Variants in XPR1 observed in about 807,000 individuals in gnomAD.
XPR1 encodes the protein xenotropic and polytropic retrovirus receptor 1, also known as solute carrier family 53 member 1.
A neutral mutation model predicts 87.5 loss-of-function variants in XPR1; 28 were observed. That is an observed-to-expected ratio of 0.32 (90% CI 0.24 to 0.44). The LOEUF is 0.44. Ranked by LOEUF, XPR1 falls within the 20% of genes least tolerant of loss-of-function variation. XPR1 has a pLI of 1.00. For missense variants in XPR1, 559 were observed against 862.3 expected (o/e 0.65, Z 4.41); for synonymous variants, 300 against 306.1 (o/e 0.98, Z 0.21).
chr1:180,761,998 A>T (rs1648054569), intron 2 of XPR1, among the ~76,000 whole-genome samples: 1 of 151,960 alleles, frequency 6.6e-6, no homozygotes, highest in Non-Finnish European at 1.5e-5. Context: ...GGAAACCATC[A>T]TTCTCAGCAA....
At position 180,825,236 on chromosome 1, in the gene XPR1, C is replaced by A; in HGVS notation, c.1026C>A (p.Ile342=). Residue 342 remains isoleucine, a synonymous_variant, in exon 9 of 15, where the codon ATC becomes ATA. Coordinates refer to ENST00000367590, the MANE Select transcript of XPR1 (RefSeq NM_004736.4). Reference sequence around the variant, plus strand: ...GCTTCTTTGCTCCAATTAGTGTCATCCCCACATATGTGTATCCACTTGCCC... The same window carrying A: ...GCTTCTTTGCTCCAATTAGTGTCATACCCACATATGTGTATCCACTTGCCC... The part of the protein sequence containing the change: ...LACFFAPISV[I]PTYVYPLALY... The A allele has an allele frequency of 6.2e-7, 1 of 1,614,078 alleles. No homozygotes were observed. The highest frequency in any genetic ancestry group is 8.5e-7 in the Non-Finnish European group (1 of 1,179,972).
chr1:180,755,161 C>G (rs142375815), intron 2 of XPR1, among the ~76,000 whole-genome samples: 123 of 152,146 alleles, frequency 8.1e-4, no homozygotes, highest in Non-Finnish European at 1.6e-3. Context: ...TAGCATGTGT[C>G]GATGTATACA....
intron 1 of XPR1, among the ~76,000 whole-genome samples, chr1:180,633,498 A>G (rs1440753046): frequency 6.6e-6 from 1 of 152,246 alleles, no homozygotes; most frequent in Admixed American, 6.5e-5. Context: ...GTATTTATTC[A>G]TATAGCCATT....
chr1:180,713,599 C>G (rs1467918637), intron 2 of XPR1, among the ~76,000 whole-genome samples: 1 of 152,050 alleles, frequency 6.6e-6, no homozygotes, highest in African/African-American at 2.4e-5. Context: ...AGACATTGGA[C>G]TTTGTTAGGT....
At chr1:180,782,742 A>T (rs906654578) in intron 2 of XPR1, among the ~76,000 whole-genome samples, 1 of 151,968 alleles carries the variant, frequency 6.6e-6, no homozygotes, top group African/African-American at 2.4e-5. Context: ...TTGGGTACAC[A>T]GTTCACTTCA....
At chr1:180,661,388 T>G (rs191172292) in intron 1 of XPR1, among the ~76,000 whole-genome samples, 1 of 152,252 alleles carries the variant, frequency 6.6e-6, no homozygotes, top group Admixed American at 6.5e-5. Context: ...TTTCGTTATT[T>G]GTTTTCTGGT....
intron 2 of XPR1, among the ~76,000 whole-genome samples, chr1:180,730,103 G>A (rs185397709): frequency 3.7e-4 from 56 of 152,214 alleles, no homozygotes; most frequent in Admixed American, 1.4e-3. Context: ...AGTCTTCTGC[G>A]TATGGCTACC....
chr1:180,883,126 CT>C (rs10690260), intron 14 of XPR1, among the ~76,000 whole-genome samples: 125 of 87,192 alleles, frequency 1.4e-3, no homozygotes, highest in Admixed American at 2.3e-3. Context: ...TCATACCTGG[CT>C]TTTTTTTTTT....
intron 3 of XPR1, among the ~76,000 whole-genome samples, chr1:180,790,345 G>A (rs1445344447): frequency 6.6e-6 from 1 of 151,580 alleles, no homozygotes; most frequent in Non-Finnish European, 1.5e-5. Flanking sequence ...TCCTTAGCAA[G>A]TCATTCCCTT....
chr1:180,849,891 C>T (rs937984204), intron 11 of XPR1, among the ~76,000 whole-genome samples: 3 of 152,184 alleles, frequency 2.0e-5, no homozygotes, highest in South Asian at 2.1e-4. Context: ...TACATGCGTG[C>T]GCACACCCAC....
chr1:180,762,236 C>G (rs1648068335), intron 2 of XPR1, among the ~76,000 whole-genome samples: 1 of 151,736 alleles, frequency 6.6e-6, no homozygotes, highest in Non-Finnish European at 1.5e-5. Context: ...CAAACCTGCA[C>G]ATTGGGCACA....
At chr1:180,757,869 TAAAAAAAAAA>T in intron 2 of XPR1, among the ~76,000 whole-genome samples, 1 of 40,070 alleles carries the variant, frequency 2.5e-5, no homozygotes, top group East Asian at 8.9e-4. Flanking sequence ...GTTGAAAATG[TAAAAAAAAAA>T]AAAAAAAAAA....
chr1:180,853,626 GACACACACACACACAC>G (rs143320476), intron 11 of XPR1, among the ~76,000 whole-genome samples: 8 of 140,332 alleles, frequency 5.7e-5, no homozygotes, highest in East Asian at 2.1e-4. Context: ...TTAGACTATA[GACACACACACACACAC>G]ACACACACAC....
chr1:180,696,414 C>G (rs1414522723), intron 2 of XPR1, among the ~76,000 whole-genome samples: 1 of 151,822 alleles, frequency 6.6e-6, no homozygotes, highest in Non-Finnish European at 1.5e-5. Flanking sequence ...ATCTATAAAG[C>G]AGGACAACTT....
intron 13 of XPR1, among the ~76,000 whole-genome samples, chr1:180,876,869 A>T (rs1652681433): frequency 6.6e-6 from 1 of 152,260 alleles, no homozygotes. Context: ...ATTTAATATC[A>T]TCAAAGTATA....
Position 180,632,186 on chromosome 1 carries a change from A to G in XPR1, c.-16A>G. 6.2e-7 allele frequency: 1 copy of G among 1,602,458 alleles called. No homozygotes were observed. The highest frequency in any genetic ancestry group is 8.5e-7 in the Non-Finnish European group (1 of 1,174,616). On this transcript the variant is annotated 5_prime_UTR_variant, in exon 1 of 15. Transcript: ENST00000367590. ...TAGCTGCTGGACCCGAGTGGGAGTGAGGGGGAAACGGCAGGATGAAGTTCG... is the reference window on the plus strand; with the variant it reads ...TAGCTGCTGGACCCGAGTGGGAGTGGGGGGGAAACGGCAGGATGAAGTTCG...
rs573202094 is a variant in XPR1 at position 180,637,320 on chromosome 1, G to C, written c.69+5050G>C. 6.6e-5 allele frequency among the ~76,000 whole-genome samples: 10 copies of C among 152,130 alleles called. No individual in the cohort carries two copies. In the East Asian group the frequency reaches 1.5e-3, roughly 24 times the overall value. ...AAATGAATCTATAAATTATTATCTA[G>C]TTTTAGCCAAATCAACCGCTAGGAA... On this transcript the variant is annotated intron_variant, in intron 1 of 14. Transcript: ENST00000367590.
At chr1:180,709,159 G>T (rs559418846) in intron 2 of XPR1, among the ~76,000 whole-genome samples, 1 of 152,102 alleles carries the variant, frequency 6.6e-6, no homozygotes, top group African/African-American at 2.4e-5. Flanking sequence ...TGATCCACCC[G>T]CCTCGGCCTC....
chr1:180,855,556 T>C (rs1023058534), intron 11 of XPR1, among the ~76,000 whole-genome samples: 4 of 151,622 alleles, frequency 2.6e-5, no homozygotes, highest in Admixed American at 2.6e-4. Flanking sequence ...TCCCAGCTAT[T>C]TGGGAGGCTG....
Sources: allele counts gnomAD v4.1 joint callset (sites outside exome capture counted in the v4.1 genomes callset), GRCh38; gene constraint gnomAD v4.1.1; transcripts MANE v1.5; gene names NCBI Gene and HGNC (gene_info 2026-07-23, HGNC 2026-07-21).